Variants in CALCRL observed in about 807,000 individuals in gnomAD.
CALCRL encodes the protein calcitonin gene-related peptide type 1 receptor.
A neutral mutation model predicts 60.4 loss-of-function variants in CALCRL; 27 were observed. The ratio of observed to expected loss-of-function variants is 0.45; its 90% CI spans 0.33 to 0.62. The LOEUF is 0.62. Among genes scored for constraint, CALCRL ranks in the 20% least tolerant of loss-of-function variants. CALCRL has a pLI of 0.03. For missense variants in CALCRL, 424 were observed against 540.7 expected (o/e 0.78, Z 2.14); for synonymous variants, 190 against 182.6 (o/e 1.04, Z -0.33).
chr2:187,346,176 T>C lies in CALCRL; in HGVS notation c.*8A>G. 6.5e-7 allele frequency: 1 copy of C among 1,544,160 alleles called. No individual in the cohort carries two copies. Among genetic ancestry groups the C allele is most frequent in the Non-Finnish European group, 8.9e-7 (1 of 1,125,252 alleles). Reference sequence around the variant, plus strand: ...GCACAAAACAGTGAGACAACCATCCTTCTATTTTCAATTATATAAATTTTC... The same window carrying C: ...GCACAAAACAGTGAGACAACCATCCCTCTATTTTCAATTATATAAATTTTC... On this transcript the variant is annotated 3_prime_UTR_variant, in exon 15 of 15. Coordinates refer to ENST00000392370, the MANE Select transcript of CALCRL (RefSeq NM_005795.6).
chr2:187,423,851 T>A (rs1004681210), intron 1 of CALCRL, among the ~76,000 whole-genome samples: 1 of 152,032 alleles, frequency 6.6e-6, no homozygotes, highest in African/African-American at 2.4e-5. Flanking sequence ...GATAAACAAG[T>A]TTACCCTGTG....
At chr2:187,372,058 T>A (rs1400576904) in intron 8 of CALCRL, among the ~76,000 whole-genome samples, 1 of 152,154 alleles carries the variant, frequency 6.6e-6, no homozygotes, top group Non-Finnish European at 1.5e-5. Flanking sequence ...AAAGATATCA[T>A]TGTCTACATA....
At chr2:187,419,727 A>T (rs1188038621) in intron 1 of CALCRL, among the ~76,000 whole-genome samples, 1 of 152,230 alleles carries the variant, frequency 6.6e-6, no homozygotes, top group Non-Finnish European at 1.5e-5. Flanking sequence ...CAGAAGAGCA[A>T]CTTATGTTAA....
chr2:187,378,356 A>G (rs1335548917), intron 8 of CALCRL, among the ~76,000 whole-genome samples: 1 of 152,174 alleles, frequency 6.6e-6, no homozygotes, highest in Non-Finnish European at 1.5e-5. Flanking sequence ...TTAACTTTCT[A>G]TAAATTTAAA....
intron 1 of CALCRL, among the ~76,000 whole-genome samples, chr2:187,420,258 A>T (rs1559071713): frequency 6.6e-6 from 1 of 152,162 alleles, no homozygotes; most frequent in Non-Finnish European, 1.5e-5. Context: ...TTTGATTAAA[A>T]TAATCATTTA....
rs745757795 is a variant in CALCRL at position 187,360,656 on chromosome 2, A to C, written c.723T>G (p.Ile241Met). 2 of 1,612,814 alleles carry C rather than the reference A, an allele frequency of 1.2e-6. No homozygotes were observed. The highest frequency in any genetic ancestry group is 2.2e-5 in the South Asian group (2 of 90,962). ...GCTTCTCTGCAAACACGGCCACCAC[A>C]ATGAGTGTGTGTAGGTAAATGCCTT... ...LCEGIYLHTL[I>M]VVAVFAEKQH... Residue 241 changes from isoleucine to methionine, a missense_variant, in exon 10 of 15, where the codon ATT (isoleucine) becomes ATG (methionine). Ile to Met is a conservative substitution (Grantham distance 10, BLOSUM62 1). Transcript: ENST00000392370.
intron 12 of CALCRL, among the ~76,000 whole-genome samples, chr2:187,358,847 T>A (rs190837014): frequency 6.6e-6 from 1 of 152,234 alleles, no homozygotes; most frequent in East Asian, 1.9e-4. Flanking sequence ...CCATTGTTGG[T>A]CCCTAATGGC....
At chr2:187,377,655 T>A (rs190548107) in intron 8 of CALCRL, among the ~76,000 whole-genome samples, 2 of 152,122 alleles carry the variant, frequency 1.3e-5, no homozygotes, top group African/African-American at 4.8e-5. Context: ...GGAAAAGTTA[T>A]AGTCAAAAAT....
chr2:187,349,003 A>C (rs1242417724), intron 14 of CALCRL, among the ~76,000 whole-genome samples: 1 of 151,664 alleles, frequency 6.6e-6, no homozygotes, highest in African/African-American at 2.4e-5. Context: ...ACCCATTAAC[A>C]CCCAATAAGG....
intron 3 of CALCRL, 130 bp from the exon 4 acceptor site, chr2:187,385,761 A>T: frequency 8.2e-6 from 5 of 611,756 alleles, no homozygotes; most frequent in South Asian, 2.2e-5. Context: ...TTGATAAATC[A>T]TTTTTTTTAA....
At chr2:187,371,043 TCATCCTGGCTAAC>T (rs1012862468) in intron 8 of CALCRL, among the ~76,000 whole-genome samples, 32 of 152,094 alleles carry the variant, frequency 2.1e-4, no homozygotes, top group Middle Eastern at 3.4e-3. Flanking sequence ...GAGATCAAGA[TCATCCTGGCTAAC>T]ACGGTGAAAC....
At chr2:187,414,901 GGTA>G (rs1689537064) in intron 1 of CALCRL, among the ~76,000 whole-genome samples, 3 of 140,112 alleles carry the variant, frequency 2.1e-5, no homozygotes, top group African/African-American at 7.8e-5. Context: ...AAAAAAAAAA[GGTA>G]GTCTCTTTTT....
At chr2:187,409,734 A>T (rs755946893) in intron 1 of CALCRL, among the ~76,000 whole-genome samples, 13 of 152,222 alleles carry the variant, frequency 8.5e-5, no homozygotes, top group South Asian at 4.1e-4. Context: ...AAGGAAGAAG[A>T]TGACCTAATC....
chr2:187,407,242 A>G (rs1039826477), intron 1 of CALCRL, among the ~76,000 whole-genome samples: 1 of 152,144 alleles, frequency 6.6e-6, no homozygotes, highest in Non-Finnish European at 1.5e-5. Flanking sequence ...AATACATGAA[A>G]TAATTATCCA....
chr2:187,359,748 G>A (rs1397273990), intron 10 of CALCRL, among the ~76,000 whole-genome samples: 2 of 152,028 alleles, frequency 1.3e-5, no homozygotes, highest in Admixed American at 1.3e-4. Context: ...ATTAATTTAT[G>A]TACCAAAAAT....
intron 1 of CALCRL, among the ~76,000 whole-genome samples, chr2:187,446,645 C>T (rs1223382108): frequency 6.6e-6 from 1 of 151,706 alleles, no homozygotes; most frequent in Admixed American, 6.6e-5. Context: ...TCCACTTTCT[C>T]CCCCATTTAT....
chr2:187,388,352 A>G (rs188414465), intron 1 of CALCRL, among the ~76,000 whole-genome samples: 1 of 152,216 alleles, frequency 6.6e-6, no homozygotes, highest in East Asian at 1.9e-4. Context: ...AAAATAGTTA[A>G]CAGATACAGT....
At chr2:187,427,574 A>T (rs905523884) in intron 1 of CALCRL, among the ~76,000 whole-genome samples, 2 of 152,178 alleles carry the variant, frequency 1.3e-5, no homozygotes, top group Non-Finnish European at 2.9e-5. Context: ...TTTACCTACC[A>T]TATTAAATAA....
At chr2:187,350,843 T>C (rs892452615) in intron 14 of CALCRL, among the ~76,000 whole-genome samples, 19 of 151,762 alleles carry the variant, frequency 1.3e-4, no homozygotes, top group Non-Finnish European at 2.8e-4. Context: ...AGTGTCTGTG[T>C]CTCACTCAGC....
Sources: allele counts gnomAD v4.1 joint callset (sites outside exome capture counted in the v4.1 genomes callset), GRCh38; gene constraint gnomAD v4.1.1; transcripts MANE v1.5; gene names NCBI Gene and HGNC (gene_info 2026-07-23, HGNC 2026-07-21).